The following SCPEP1 variants were observed in gnomAD, a reference collection of about 807,000 sequenced individuals.
SCPEP1 encodes serine carboxypeptidase 1.
Under a neutral mutation model 63.8 loss-of-function variants are expected in SCPEP1, and 51 were observed. The ratio of observed to expected loss-of-function variants is 0.80; its 90% CI spans 0.64 to 1.01. The LOEUF is 1.01. Among genes scored for constraint, SCPEP1 ranks in the 50% least tolerant of loss-of-function variants. The pLI is 0.00. For synonymous variants in SCPEP1, 204 were observed against 207.8 expected (o/e 0.98, Z 0.16); for missense variants, 499 against 554.9 (o/e 0.90, Z 1.01).
Position 56,981,171 on chromosome 17 carries a change from T to C in SCPEP1, c.166T>C (p.Tyr56His). 1 of 1,614,010 alleles carries C rather than the reference T, an allele frequency of 6.2e-7. No individual in the cohort carries two copies. The highest frequency in any genetic ancestry group is 8.5e-7 in the Non-Finnish European group (1 of 1,179,870). ...RKDAYMFWWL[Y>H]YATNSCKNFS... ...GGATGCCTACATGTTCTGGTGGCTC[T>C]ATTATGCCACCAACTCCTGCAAGAA... Residue 56 changes from tyrosine to histidine, a missense_variant, in exon 2 of 13, where the codon TAT becomes CAT. Coordinates refer to ENST00000262288, the MANE Select transcript of SCPEP1 (RefSeq NM_021626.3).
chr17:56,995,026 G>C lies in SCPEP1; in HGVS notation c.657+8G>C, dbSNP rs773631202. ...CCTTACCTGTACAGCATGGTAAGTAGATACACATCTGCACCCTCTGGGCAA... is the reference window on the plus strand; with the variant it reads ...CCTTACCTGTACAGCATGGTAAGTACATACACATCTGCACCCTCTGGGCAA... On this transcript the variant is annotated splice_region_variant and intron_variant, in intron 7 of 12. Coordinates refer to ENST00000262288, the MANE Select transcript of SCPEP1 (RefSeq NM_021626.3). 1 of 1,611,616 alleles carries C rather than the reference G, an allele frequency of 6.2e-7. No homozygotes were observed. The highest frequency in any genetic ancestry group is 1.7e-4 in the Middle Eastern group (1 of 6,034).
intron 2 of SCPEP1, chr17:56,983,657 A>G (rs1355759736): frequency 6.6e-6 from 1 of 152,116 alleles, no homozygotes; most frequent in Non-Finnish European, 1.5e-5. Context: ...TGAACTTTTT[A>G]CTGCTTAGGA....
At chr17:56,990,808 A>AT (rs1171857181) in intron 5 of SCPEP1, among the ~76,000 whole-genome samples, 2 of 151,562 alleles carry the variant, frequency 1.3e-5, no homozygotes, top group South Asian at 2.1e-4. Flanking sequence ...TAATTTTTGT[A>AT]TTTTTTTGTA....
chr17:56,997,382 A>G (rs981268401), intron 9 of SCPEP1, among the ~76,000 whole-genome samples: 2 of 152,206 alleles, frequency 1.3e-5, no homozygotes, highest in Admixed American at 1.3e-4. Flanking sequence ...CAATCGCACA[A>G]TAGTTAGTCT....
chr17:56,978,310 G>T (rs2144456381), intron 1 of SCPEP1, 75 bp downstream of exon 1: 9 of 1,432,490 alleles, frequency 6.3e-6, no homozygotes, highest in Middle Eastern at 1.8e-4. Context: ...TACTGGGTTT[G>T]TGCTTTTGAA....
chr17:56,994,575 G>T (rs1416687303), intron 6 of SCPEP1, among the ~76,000 whole-genome samples: 1 of 152,186 alleles, frequency 6.6e-6, no homozygotes, highest in Non-Finnish European at 1.5e-5. Context: ...CAAACTGGAG[G>T]AGCAAATAAG....
chr17:56,979,649 C>A (rs183279114), intron 1 of SCPEP1, among the ~76,000 whole-genome samples: 1 of 152,192 alleles, frequency 6.6e-6, no homozygotes, highest in East Asian at 1.9e-4. Flanking sequence ...TTATAGGATA[C>A]GTATATTAAA....
intron 12 of SCPEP1, among the ~76,000 whole-genome samples, chr17:57,003,547 T>C (rs1417821800): frequency 6.6e-6 from 1 of 152,154 alleles, no homozygotes. Flanking sequence ...TGGTTTGCGA[T>C]GGAGGGAATT....
At chr17:56,996,907 C>A in intron 8 of SCPEP1, 55 bp from the exon 9 acceptor site, 4 of 1,205,350 alleles carry the variant, frequency 3.3e-6, no homozygotes, top group Non-Finnish European at 3.6e-6. Context: ...TTCTGTTTGG[C>A]AGCTTTGATG....
intron 5 of SCPEP1, among the ~76,000 whole-genome samples, chr17:56,990,806 G>C (rs1001390362): frequency 2.0e-5 from 3 of 151,914 alleles, no homozygotes; most frequent in African/African-American, 7.3e-5. Flanking sequence ...GCTAATTTTT[G>C]TATTTTTTTG....
At chr17:57,005,934 T>C (rs1008757819) in intron 12 of SCPEP1, among the ~76,000 whole-genome samples, 5 of 152,222 alleles carry the variant, frequency 3.3e-5, no homozygotes, top group Non-Finnish European at 7.3e-5. Context: ...GGTTCTTGTC[T>C]TAAATGCTGA....
At chr17:56,995,322 T>C in intron 7 of SCPEP1, 185 bp from the exon 8 acceptor site, 1 of 625,010 alleles carries the variant, frequency 1.6e-6, no homozygotes, top group Non-Finnish European at 2.7e-6. Flanking sequence ...GAATACCTAC[T>C]TAGGTTCAGT....
Position 56,998,505 on chromosome 17 carries a change from A to G in SCPEP1, c.994+7A>G, listed in dbSNP as rs773063709. 10 of 1,594,602 alleles carry G rather than the reference A, an allele frequency of 6.3e-6. No homozygotes were observed. The East Asian group carries it at 2.0e-4, about 32-fold the overall frequency. ...GAGGATCAATCCTGGGGAGGTACTTATATGACCTAATTAAGTGCCGTTTGT... is the reference window on the plus strand; with the variant it reads ...GAGGATCAATCCTGGGGAGGTACTTGTATGACCTAATTAAGTGCCGTTTGT... On this transcript the variant is annotated splice_region_variant and intron_variant, in intron 10 of 12. Coordinates refer to ENST00000262288, the MANE Select transcript of SCPEP1 (RefSeq NM_021626.3).
At chr17:57,002,434 GGC>G (rs1313053094) in intron 12 of SCPEP1, among the ~76,000 whole-genome samples, 1 of 152,150 alleles carries the variant, frequency 6.6e-6, no homozygotes, top group Admixed American at 6.5e-5. Context: ...ATGAAAATTA[GGC>G]CAGGCACAGA....
chr17:56,981,215 G>C lies in SCPEP1; in HGVS notation c.210G>C (p.Leu70=), dbSNP rs1247515697. Residue 70 remains leucine (L), a synonymous_variant, in exon 2 of 13, where the codon CTG becomes CTC. Transcript: ENST00000262288. ...NSCKNFSELP[L]VMWLQGGPGG... is the part of the protein sequence containing the mutation. Reference sequence around the variant, plus strand: ...GCAAGAACTTCTCAGAACTGCCCCTGGTCATGTGGCTTCAGGTAAAGTAGC... The same window carrying C: ...GCAAGAACTTCTCAGAACTGCCCCTCGTCATGTGGCTTCAGGTAAAGTAGC... 2.5e-6 allele frequency: 4 copies of C among 1,614,012 alleles called. No individual in the cohort carries two copies. Among genetic ancestry groups the C allele is most frequent in the Non-Finnish European group, 2.5e-6 (3 of 1,180,032 alleles).
chr17:56,997,081 G>A, intron 9 of SCPEP1, 26 bp downstream of exon 9: 1 of 1,380,538 alleles, frequency 7.2e-7, no homozygotes, highest in Non-Finnish European at 9.9e-7. Context: ...AGTTATTAAA[G>A]TCCCTGCCTC....
chr17:56,995,467 C>T lies in SCPEP1; in HGVS notation c.658-40C>T, dbSNP rs1014450103. The stretch of plus-strand genomic sequence containing the variant: ...TGCAGCAATACCAGATTGACGTTCC[C>T]AAGTAAAGTGGGTCTTTTTGCTCTT... On this transcript the variant is annotated intron_variant, in intron 7 of 12. Transcript: ENST00000262288. 2.5e-6 allele frequency: 4 copies of T among 1,600,226 alleles called. No individual in the cohort carries two copies. In the Admixed American group the frequency reaches 5.2e-5, roughly 21 times the overall value.
At chr17:56,997,758 T>C (rs922787922) in intron 9 of SCPEP1, among the ~76,000 whole-genome samples, 6 of 152,110 alleles carry the variant, frequency 3.9e-5, no homozygotes, top group African/African-American at 1.4e-4. Flanking sequence ...AAATCTATTT[T>C]TTCCCTTTTT....
intron 6 of SCPEP1, among the ~76,000 whole-genome samples, chr17:56,993,605 G>C (rs1480460002): frequency 5.9e-5 from 9 of 152,116 alleles, no homozygotes; most frequent in Non-Finnish European, 1.2e-4. Context: ...CACTACGCCT[G>C]GCTAATGTTT....
Sources: allele counts gnomAD v4.1 joint callset (sites outside exome capture counted in the v4.1 genomes callset), GRCh38; gene constraint gnomAD v4.1.1; transcripts MANE v1.5; gene names NCBI Gene and HGNC (gene_info 2026-07-23, HGNC 2026-07-21).